The following ITFG1 variants were observed in gnomAD, a reference collection of about 807,000 sequenced individuals.
ITFG1 encodes the protein integrin alpha FG-GAP repeat containing 1.
A neutral mutation model predicts 81.8 loss-of-function variants in ITFG1; 34 were observed. The ratio of observed to expected loss-of-function variants is 0.42; its 90% CI spans 0.32 to 0.55. ITFG1 has a LOEUF of 0.55. ITFG1 is among the 20% of genes least tolerant of loss of function. The pLI is 0.17. For synonymous variants in ITFG1, 285 were observed against 270.6 expected (o/e 1.05, Z -0.52); for missense variants, 672 against 755.4 (o/e 0.89, Z 1.29).
At chr16:47,393,262 T>C (rs1467081073) in intron 6 of ITFG1, among the ~76,000 whole-genome samples, 2 of 152,196 alleles carry the variant, frequency 1.3e-5, no homozygotes, top group Non-Finnish European at 2.9e-5. Context: ...CTGCTCCTTT[T>C]CTGACTACAC....
chr16:47,196,016 T>C (rs1596800652), intron 14 of ITFG1, among the ~76,000 whole-genome samples: 1 of 152,216 alleles, frequency 6.6e-6, no homozygotes, highest in Admixed American at 6.5e-5. Context: ...GTTGGTGTTT[T>C]TTTCTTTTGG....
At chr16:47,396,524 T>TTGTGTGTGTGTGTGTGTGTGTGTGTGTG (rs59625674) in intron 6 of ITFG1, among the ~76,000 whole-genome samples, 50 of 149,204 alleles carry the variant, frequency 3.4e-4, no homozygotes, top group African/African-American at 1.2e-3. Context: ...AATAATTATT[T>TTGTGTGTGTGTGTGTGTGTGTGTGTGTG]TGTGTGTGTG....
intron 10 of ITFG1, among the ~76,000 whole-genome samples, chr16:47,277,606 C>T (rs2151548757): frequency 6.6e-6 from 1 of 152,164 alleles, no homozygotes; most frequent in South Asian, 2.1e-4. Context: ...GAACACAGTA[C>T]CTTGAAACTT....
chr16:47,423,985 G>T (rs983561882), intron 6 of ITFG1, among the ~76,000 whole-genome samples: 1 of 150,014 alleles, frequency 6.7e-6, no homozygotes, highest in South Asian at 2.1e-4. Context: ...GCCTTGCTAG[G>T]TTGGGGAAGT....
intron 8 of ITFG1, among the ~76,000 whole-genome samples, chr16:47,347,948 T>C (rs28898390): frequency 0.12 from 18,270 of 152,164 alleles, 2,418 homozygotes; most frequent in African/African-American, 0.33. Context: ...CCCAGGCAAA[T>C]AGGGTCTGGA....
intron 16 of ITFG1, 82 bp downstream of exon 16, chr16:47,161,668 G>A: frequency 1.1e-6 from 1 of 884,008 alleles, no homozygotes; most frequent in Non-Finnish European, 1.9e-6. Flanking sequence ...GCAGGAATAT[G>A]AGAGAGCTTA....
At chr16:47,205,043 T>C (rs886411492) in intron 14 of ITFG1, among the ~76,000 whole-genome samples, 1 of 152,236 alleles carries the variant, frequency 6.6e-6, no homozygotes, top group Non-Finnish European at 1.5e-5. Flanking sequence ...CAATGCCACA[T>C]GATGCCTGGC....
intron 14 of ITFG1, among the ~76,000 whole-genome samples, chr16:47,183,052 C>T (rs1322401995): frequency 6.6e-6 from 1 of 152,234 alleles, no homozygotes; most frequent in Non-Finnish European, 1.5e-5. Flanking sequence ...GAATACCGCG[C>T]TTTTCCGACG....
At position 47,238,042 on chromosome 16, in the gene ITFG1, A is replaced by G. The variant is rs1218422901; in HGVS notation, c.1331-34T>C. 4.0e-6 allele frequency: 5 copies of G among 1,248,186 alleles called. No homozygotes were observed. In the African/African-American group the frequency reaches 4.8e-5, roughly 12 times the overall value. The allele number at this position is 1,248,186 out of a possible 1,614,324, so 77.3% of individuals were successfully genotyped here. On this transcript the variant is annotated intron_variant, in intron 12 of 17. Transcript: ENST00000320640. ...AAATAAACAGGCAATTATTACTATTATAAGTTTATATTTAAAGTGAGCTCT... is the reference window on the plus strand; with the variant it reads ...AAATAAACAGGCAATTATTACTATTGTAAGTTTATATTTAAAGTGAGCTCT...
intron 8 of ITFG1, among the ~76,000 whole-genome samples, chr16:47,359,370 C>T (rs1407702739): frequency 6.6e-6 from 1 of 152,156 alleles, no homozygotes; most frequent in Non-Finnish European, 1.5e-5. Flanking sequence ...TCCAGAGTTC[C>T]TCTTCCTACT....
chr16:47,411,016 C>T (rs1204493681), intron 6 of ITFG1, among the ~76,000 whole-genome samples: 2 of 152,206 alleles, frequency 1.3e-5, no homozygotes, highest in African/African-American at 4.8e-5. Context: ...ACAGCACAAC[C>T]TCCGCTGAGC....
intron 14 of ITFG1, among the ~76,000 whole-genome samples, chr16:47,174,002 T>C (rs1345194192): frequency 6.6e-6 from 1 of 152,212 alleles, no homozygotes; most frequent in Non-Finnish European, 1.5e-5. Context: ...ATTGTGCCAC[T>C]GCATTCCAGC....
At chr16:47,345,848 G>C (rs905954300) in intron 8 of ITFG1, among the ~76,000 whole-genome samples, 1 of 152,178 alleles carries the variant, frequency 6.6e-6, no homozygotes, top group Non-Finnish European at 1.5e-5. Flanking sequence ...GCACAATGTA[G>C]AAAATGACCA....
chr16:47,378,538 T>C (rs920909595), intron 6 of ITFG1, among the ~76,000 whole-genome samples: 5 of 152,348 alleles, frequency 3.3e-5, no homozygotes, highest in East Asian at 1.9e-4. Context: ...TGCCCTCTTC[T>C]TTCATGCATA....
At chr16:47,273,146 A>C (rs1401162037) in intron 10 of ITFG1, among the ~76,000 whole-genome samples, 2 of 151,796 alleles carry the variant, frequency 1.3e-5, no homozygotes, top group Non-Finnish European at 2.9e-5. Context: ...TTCTATATTC[A>C]GTGAGTTCTC....
chr16:47,307,644 T>C (rs760981832), intron 10 of ITFG1, among the ~76,000 whole-genome samples: 86 of 152,198 alleles, frequency 5.7e-4, no homozygotes, highest in Non-Finnish European at 1.1e-3. Context: ...ACATTTATAA[T>C]TTCAACTTTT....
intron 14 of ITFG1, among the ~76,000 whole-genome samples, chr16:47,180,668 G>A (rs969683454): frequency 2.0e-5 from 3 of 152,212 alleles, no homozygotes; most frequent in Non-Finnish European, 4.4e-5. Flanking sequence ...TGCAGACGGA[G>A]TCTCGTTCAC....
At chr16:47,161,986 C>A (rs1162633164) in intron 15 of ITFG1, among the ~76,000 whole-genome samples, 154 bp from the exon 16 acceptor site, 1 of 152,086 alleles carries the variant, frequency 6.6e-6, no homozygotes, top group Non-Finnish European at 1.5e-5. Flanking sequence ...AAAAATAAGG[C>A]TTTTGTGCCA....
chr16:47,456,605 T>C (rs1969456384), intron 2 of ITFG1, among the ~76,000 whole-genome samples: 1 of 151,282 alleles, frequency 6.6e-6, no homozygotes, highest in Non-Finnish European at 1.5e-5. Context: ...GGCAGGAGAA[T>C]TGCTAGAACC....
Sources: allele counts gnomAD v4.1 joint callset (sites outside exome capture counted in the v4.1 genomes callset), GRCh38; gene constraint gnomAD v4.1.1; transcripts MANE v1.5; gene names NCBI Gene and HGNC (gene_info 2026-07-23, HGNC 2026-07-21).